XPA: variants seen among roughly 807,000 people sequenced by gnomAD.
The protein encoded by XPA is XPA, DNA damage recognition and repair factor, also known as DNA repair protein complementing XP-A cells.
In XPA, 27 loss-of-function variants were observed where a neutral mutation model predicts 35.7. The ratio of observed to expected loss-of-function variants is 0.76; its 90% CI spans 0.56 to 1.04. XPA has a LOEUF of 1.04. Among genes scored for constraint, XPA ranks in the 50% least tolerant of loss-of-function variants. The pLI, the probability that XPA is intolerant of heterozygous loss-of-function variation, is 0.00. For synonymous variants in XPA, 133 were observed against 118.4 expected (o/e 1.12, Z -0.80); for missense variants, 354 against 342.7 (o/e 1.03, Z -0.26).
chr9:97,662,904 T>C, the XPA span: 1 of 1,349,044 alleles, frequency 7.4e-7, no homozygotes, highest in South Asian at 1.3e-5. Flanking sequence ...AACACTAAAA[T>C]GTTTAATGAA....
At chr9:97,666,098 C>G in the XPA span, among the ~76,000 whole-genome samples, 134 of 152,292 alleles carry the variant, frequency 8.8e-4, no homozygotes, top group South Asian at 0.026. Context: ...CTGTACTATT[C>G]TGTGCTGGGT....
At chr9:97,660,866 T>A in the XPA span, 1 of 1,469,544 alleles carries the variant, frequency 6.8e-7, no homozygotes, top group African/African-American at 1.4e-5. Context: ...AAAAAAAATT[T>A]TTCTCAGTTA....
chr9:97,671,887 TA>T (rs969215135), downstream of XPA: 4 of 152,240 alleles, frequency 2.6e-5, no homozygotes, highest in African/African-American at 9.6e-5. Context: ...ACATCCTCAG[TA>T]ATCCTTAAAG....
the XPA span, among the ~76,000 whole-genome samples, chr9:97,667,372 A>G: frequency 1.2e-4 from 18 of 152,318 alleles, no homozygotes; most frequent in African/African-American, 4.1e-4. Context: ...ACTATTCATT[A>G]TGAAAGTATT....
chr9:97,691,720 A>T (rs1294219626), intron 2 of XPA, among the ~76,000 whole-genome samples: 3 of 151,706 alleles, frequency 2.0e-5, no homozygotes, highest in Non-Finnish European at 4.4e-5. Context: ...TCTCAAAAAC[A>T]AAAACAAAAA....
rs777064248 is a variant in XPA at position 97,674,926 on chromosome 9, A to T, written c.*513T>A. ...AAACATGATCAGACTCGTACAACTCAATGTTTATTTCTGCTATTAGGGCTT... is the reference window on the plus strand; with the variant it reads ...AAACATGATCAGACTCGTACAACTCTATGTTTATTTCTGCTATTAGGGCTT... On this transcript the variant is annotated 3_prime_UTR_variant, in exon 6 of 6. Transcript: ENST00000375128. 3.9e-6 allele frequency: 2 copies of T among 512,144 alleles called. No homozygotes were observed. Among genetic ancestry groups the T allele is most frequent in the South Asian group, 3.1e-5 (2 of 64,962 alleles). 31.7% of individuals were successfully genotyped at this position (512,144 alleles called of 1,614,324 possible).
chr9:97,677,514 TAAATA>T (rs1236636669), intron 5 of XPA, among the ~76,000 whole-genome samples: 1 of 151,884 alleles, frequency 6.6e-6, no homozygotes, highest in Non-Finnish European at 1.5e-5. Context: ...TCTCTTAAAA[TAAATA>T]AATAAAAAAT....
chr9:97,677,082 T>TGGC (rs1554699627), intron 5 of XPA, among the ~76,000 whole-genome samples: 7 of 152,048 alleles, frequency 4.6e-5, no homozygotes, highest in East Asian at 3.9e-4. Flanking sequence ...AACTTGGTTC[T>TGGC]CACCTTATCC....
chr9:97,690,451 A>G (rs1172176570), intron 2 of XPA, among the ~76,000 whole-genome samples: 2 of 149,778 alleles, frequency 1.3e-5, no homozygotes, highest in Non-Finnish European at 3.0e-5. Flanking sequence ...GCAGTGGTGC[A>G]ATCTCAGCTC....
the XPA span, among the ~76,000 whole-genome samples, chr9:97,659,230 A>G: frequency 6.6e-6 from 1 of 152,272 alleles, no homozygotes; most frequent in Non-Finnish European, 1.5e-5. Context: ...TGCCCTTTGC[A>G]TAGTATTTAC....
the XPA span, chr9:97,662,046 A>G: frequency 6.2e-7 from 1 of 1,609,700 alleles, no homozygotes; most frequent in South Asian, 1.1e-5. Flanking sequence ...TTTCAGATGA[A>G]GGATTCAGTT....
intron 5 of XPA, among the ~76,000 whole-genome samples, chr9:97,677,894 T>C (rs886825970): frequency 6.6e-6 from 1 of 152,044 alleles, no homozygotes; most frequent in Non-Finnish European, 1.5e-5. Context: ...TAGTCACACA[T>C]AGGGCTTTGA....
chr9:97,666,839 G>C, the XPA span: 1 of 1,610,278 alleles, frequency 6.2e-7, no homozygotes, highest in South Asian at 1.1e-5. Context: ...GAAAGAGCTG[G>C]AAGAAGCTAA....
rs1437711540 is a variant in XPA at position 97,675,238 on chromosome 9, G to A, written c.*201C>T. 2.9e-6 allele frequency: 2 copies of A among 684,148 alleles called. No individual in the cohort carries two copies. The highest frequency in any genetic ancestry group is 5.2e-6 in the Non-Finnish European group (2 of 382,450). The allele number at this position is 684,148 out of a possible 1,614,324, so 42.4% of individuals were successfully genotyped here. On this transcript the variant is annotated 3_prime_UTR_variant, in exon 6 of 6. Transcript: ENST00000375128. ...AAGGCAATCACAGACATGACATTGT[G>A]CACACAACCAGGCCAGGTGACCTTC...
intron 5 of XPA, among the ~76,000 whole-genome samples, chr9:97,681,763 T>C (rs909240855): frequency 1.3e-5 from 2 of 152,154 alleles, no homozygotes; most frequent in Non-Finnish European, 2.9e-5. Flanking sequence ...TGTAACTGAT[T>C]TCTGTAATGT....
At chr9:97,670,983 T>C (rs1279865261), downstream of XPA, 2 of 656,950 alleles carry the variant, frequency 3.0e-6, no homozygotes, top group African/African-American at 3.7e-5. Flanking sequence ...CCCCTTCCTC[T>C]TTTCATCATT....
At chr9:97,657,031 C>T in the XPA span, among the ~76,000 whole-genome samples, 19 of 152,102 alleles carry the variant, frequency 1.2e-4, no homozygotes, top group Admixed American at 5.9e-4. Flanking sequence ...TGCAGTGGCA[C>T]GATCTCGGCT....
chr9:97,689,931 T>C (rs1023843360), intron 2 of XPA, among the ~76,000 whole-genome samples: 1 of 152,072 alleles, frequency 6.6e-6, no homozygotes, highest in Non-Finnish European at 1.5e-5. Context: ...ACAGACAGAG[T>C]GACTTAAAAC....
rs763929562 is a variant in XPA, at chr9:97,675,488, C to G, written c.773G>C (p.Arg258Pro). ...PEENLEDDMY[R>P]KTCTMCGHEL... ...ATGGCCACACATAGTACAAGTCTTA[C>G]GGTACATGTCATCTTCTAGGTTTTC... Residue 258 changes from arginine (R) to proline (P), a missense_variant, in exon 6 of 6, where the codon CGT becomes CCT. Arg to Pro is a moderately radical substitution (Grantham distance 103). Coordinates refer to ENST00000375128, the MANE Select transcript of XPA (RefSeq NM_000380.4). 2 of 1,613,646 alleles carry G rather than the reference C, an allele frequency of 1.2e-6. No homozygotes were observed. Among genetic ancestry groups the G allele is most frequent in the South Asian group, 2.2e-5 (2 of 91,072 alleles).
Sources: allele counts gnomAD v4.1 joint callset (sites outside exome capture counted in the v4.1 genomes callset), GRCh38; gene constraint gnomAD v4.1.1; transcripts MANE v1.5; gene names NCBI Gene and HGNC (gene_info 2026-07-23, HGNC 2026-07-21).